Variants in RUNX1 observed in about 807,000 individuals in gnomAD.
The protein encoded by RUNX1 is RUNX family transcription factor 1.
In RUNX1, 19 loss-of-function variants were observed where a neutral mutation model predicts 42.8. The ratio of observed to expected loss-of-function variants is 0.44; its 90% confidence interval spans 0.31 to 0.65. The LOEUF (loss-of-function observed/expected upper bound fraction) is 0.65, where lower values mean the gene tolerates loss of function less well. Among genes scored for constraint, RUNX1 ranks in the 30% least tolerant of loss-of-function variants. The pLI is 0.07. For synonymous variants in RUNX1, 271 were observed against 289.4 expected (o/e 0.94, Z 0.64); for missense variants, 528 against 672.0 (o/e 0.79, Z 2.37).
intron 2 of RUNX1, among the ~76,000 whole-genome samples, chr21:34,934,422 T>G (rs2834678): frequency 0.16 from 24,264 of 152,080 alleles, 3,898 homozygotes; most frequent in African/African-American, 0.42. Flanking sequence ...ATGTCTGGCT[T>G]ACCACCCAAA....
intron 3 of RUNX1, among the ~76,000 whole-genome samples, chr21:34,890,455 C>A (rs1400051091): frequency 1.3e-5 from 2 of 152,256 alleles, no homozygotes; most frequent in African/African-American, 4.8e-5. Context: ...CAGGCCTCCC[C>A]GCTGTGCGGC....
chr21:34,826,009 C>T (rs1193457036), intron 7 of RUNX1, among the ~76,000 whole-genome samples: 1 of 152,216 alleles, frequency 6.6e-6, no homozygotes, highest in African/African-American at 2.4e-5. Flanking sequence ...TGATTTTGGA[C>T]TTCTGGCCTC....
At chr21:34,990,613 CA>C (rs2058929582) in intron 2 of RUNX1, among the ~76,000 whole-genome samples, 1 of 151,870 alleles carries the variant, frequency 6.6e-6, no homozygotes, top group South Asian at 2.1e-4. Context: ...GGGGCTCTTC[CA>C]TTAACGGATA....
chr21:34,905,575 G>C (rs923880151), intron 2 of RUNX1, among the ~76,000 whole-genome samples: 1 of 152,176 alleles, frequency 6.6e-6, no homozygotes, highest in Admixed American at 6.5e-5. Context: ...AAGAGCAAGA[G>C]AAAAACTTCT....
At chr21:34,967,629 C>G (rs1314769429) in intron 2 of RUNX1, among the ~76,000 whole-genome samples, 1 of 152,162 alleles carries the variant, frequency 6.6e-6, no homozygotes, top group Non-Finnish European at 1.5e-5. Context: ...TGAGAAGTGA[C>G]ACAGAGTCAC....
chr21:34,799,918 C>CT (rs916797989), intron 7 of RUNX1, among the ~76,000 whole-genome samples: 7 of 151,234 alleles, frequency 4.6e-5, no homozygotes, highest in South Asian at 2.1e-4. Context: ...GAGTTTTGGG[C>CT]TTTTTTTTTA....
chr21:34,959,056 G>T (rs1011165140), intron 2 of RUNX1, among the ~76,000 whole-genome samples: 7 of 150,968 alleles, frequency 4.6e-5, no homozygotes, highest in Admixed American at 3.9e-4. Flanking sequence ...GTTGTGGGGT[G>T]GGGGGAGTGG....
chr21:34,907,551 T>C lies in RUNX1; in HGVS notation c.59-14588A>G, dbSNP rs768786679. ...AAGTTTGCAAGCCTCTAGCCTAAAA[T>C]GTCTTATTTTCTTAGTACTCAATTT... is the stretch of plus-strand genomic sequence containing the variant. On this transcript the variant is annotated intron_variant, in intron 2 of 8. Transcript: ENST00000675419. The surrounding 1 kb of genome is among the most constrained non-coding windows in gnomAD (Gnocchi z 5.3). Among the ~76,000 whole-genome samples, 25 of 152,314 alleles carry C rather than the reference T, an allele frequency of 1.6e-4. No individual in the cohort carries two copies. The highest frequency in any genetic ancestry group is 5.8e-4 in the African/African-American group (24 of 41,566).
intron 2 of RUNX1, among the ~76,000 whole-genome samples, chr21:35,010,715 A>G (rs2059120495): frequency 6.6e-6 from 1 of 152,152 alleles, no homozygotes; most frequent in Non-Finnish European, 1.5e-5. Flanking sequence ...AAAAATGTGC[A>G]ACTCGCTGCC....
intron 2 of RUNX1, among the ~76,000 whole-genome samples, chr21:35,037,625 C>T (rs933405126): frequency 2.6e-5 from 4 of 152,148 alleles, no homozygotes; most frequent in South Asian, 4.1e-4. Flanking sequence ...CTGTTTGGAC[C>T]GCACCTCCAC....
intron 5 of RUNX1, among the ~76,000 whole-genome samples, chr21:34,861,705 C>T (rs761977058): frequency 2.0e-5 from 3 of 152,188 alleles, no homozygotes; most frequent in Admixed American, 2.0e-4. Flanking sequence ...CCAGCCACTT[C>T]GCCAATCCAA....
chr21:35,001,811 T>C (rs1349688563), intron 2 of RUNX1, among the ~76,000 whole-genome samples: 1 of 152,174 alleles, frequency 6.6e-6, no homozygotes, highest in Non-Finnish European at 1.5e-5. Context: ...GTAGAATATA[T>C]AGAAACACAA....
intron 2 of RUNX1, among the ~76,000 whole-genome samples, chr21:34,978,865 CAA>C (rs570310020): frequency 5.5e-4 from 83 of 151,336 alleles, no homozygotes; most frequent in Admixed American, 2.2e-3. Flanking sequence ...CACCTGGATG[CAA>C]AGAGGAGATT....
At chr21:35,003,997 AATAATCCACACACATTCT>A (rs1477382226) in intron 2 of RUNX1, among the ~76,000 whole-genome samples, 2 of 152,244 alleles carry the variant, frequency 1.3e-5, no homozygotes, top group Non-Finnish European at 2.9e-5. Flanking sequence ...ATATTTTCAA[AATAATCCACACACATTCT>A]ATAATCCCAC....
intron 3 of RUNX1, among the ~76,000 whole-genome samples, chr21:34,890,914 AC>A (rs1229648572): frequency 1.3e-5 from 2 of 151,874 alleles, no homozygotes; most frequent in Non-Finnish European, 2.9e-5. Context: ...CCGAGATCCC[AC>A]CCAGGGCTCC....
intron 2 of RUNX1, among the ~76,000 whole-genome samples, chr21:34,930,295 TAA>T (rs2058433238): frequency 2.9e-5 from 4 of 140,076 alleles, no homozygotes; most frequent in African/African-American, 5.7e-5. Flanking sequence ...TATATATAAA[TAA>T]ATAAATAAAA....
chr21:34,911,765 G>A (rs2146525118), intron 2 of RUNX1, among the ~76,000 whole-genome samples: 1 of 152,278 alleles, frequency 6.6e-6, no homozygotes, highest in East Asian at 1.9e-4. Flanking sequence ...CCCTCGGCTT[G>A]CTCTGCCATA....
chr21:35,022,140 G>A (rs2059202772), intron 2 of RUNX1, among the ~76,000 whole-genome samples: 1 of 152,220 alleles, frequency 6.6e-6, no homozygotes, highest in Admixed American at 6.5e-5. Flanking sequence ...GAGAGCGGGT[G>A]TAGACAATAG....
At chr21:34,976,646 C>A (rs528331327) in intron 2 of RUNX1, among the ~76,000 whole-genome samples, 2 of 152,164 alleles carry the variant, frequency 1.3e-5, no homozygotes, top group East Asian at 3.9e-4. Context: ...AATCTCCTAG[C>A]CAAATAGGTT....
Sources: allele counts gnomAD v4.1 joint callset (sites outside exome capture counted in the v4.1 genomes callset), GRCh38; gene constraint gnomAD v4.1.1; non-coding constraint Gnocchi (gnomAD v3.1); transcripts MANE v1.5; gene names NCBI Gene and HGNC (gene_info 2026-07-23, HGNC 2026-07-21).